Variants in IDS observed in about 807,000 individuals in gnomAD.
The protein encoded by IDS is iduronate 2-sulfatase.
A neutral mutation model predicts 33.5 loss-of-function variants in IDS; 1 was observed. That is an observed-to-expected ratio of 0.03 (90% confidence interval 0.01 to 0.14). The LOEUF is 0.14. IDS is among the 10% of genes least tolerant of loss of function. The probability of loss-of-function intolerance (pLI) is 1.00; values close to 1 mark genes in which losing one functional copy is unlikely to be tolerated. For missense variants in IDS, 328 were observed against 448.0 expected, an observed-to-expected ratio of 0.73 and a Z score of 2.42; for synonymous variants, 191 against 184.4, an observed-to-expected ratio of 1.04 and a Z score of -0.29.
chrX:149,489,043 G>C (rs781966006), intron 7 of IDS, among the ~76,000 whole-genome samples: 1 of 111,794 alleles, frequency 8.9e-6, no homozygotes, highest in African/African-American at 3.3e-5. Context: ...AGGCGGTTCT[G>C]ATGGAGGATG....
chrX:149,487,388 T>C (rs1602731091), intron 7 of IDS: 2 of 768,096 alleles, frequency 2.6e-6, no homozygotes, highest in East Asian at 6.5e-5. Context: ...ATACCTAACG[T>C]AGGACTCTGT....
chrX:149,501,172 C>A, intron 3 of IDS, 135 bp from the exon 4 acceptor site: 1 of 484,913 alleles, frequency 2.1e-6, no homozygotes, highest in Non-Finnish European at 3.7e-6. Flanking sequence ...TACAAAAGGT[C>A]CCCTCTAAAG....
At chrX:149,491,738 C>A in intron 6 of IDS, 1 of 827,396 alleles carries the variant, frequency 1.2e-6, no homozygotes, top group Non-Finnish European at 1.6e-6. Flanking sequence ...CTATGCTAGC[C>A]CCTGGACGTA....
In IDS at chrX:149,505,031, G is replaced by T; in HGVS notation, c.103+4C>A. The stretch of plus-strand genomic sequence containing the variant: ...AGAGATGGCAGGGAGGGCGTGGGCG[G>T]CACCTGTGGTCGAGTTGGCCTGCGT... On this transcript the variant is annotated splice_donor_region_variant and intron_variant, in intron 1 of 8. Coordinates refer to ENST00000340855, the MANE Select transcript of IDS (RefSeq NM_000202.8). 1 of 1,193,128 alleles carries T rather than the reference G, an allele frequency of 8.4e-7. No homozygotes were observed. Among genetic ancestry groups the T allele is most frequent in the Non-Finnish European group, 1.1e-6 (1 of 879,099 alleles).
At chrX:149,484,637 T>C (rs1024958503) in intron 8 of IDS, among the ~76,000 whole-genome samples, 1 of 112,721 alleles carries the variant, frequency 8.9e-6, no homozygotes, top group East Asian at 2.8e-4. Flanking sequence ...GCTTTTGTTG[T>C]TGTTTTTTAT....
At chrX:149,488,933 G>A (rs1179440281) in intron 7 of IDS, among the ~76,000 whole-genome samples, 1 of 110,914 alleles carries the variant, frequency 9.0e-6, no homozygotes, top group Non-Finnish European at 1.9e-5. Context: ...GGGAGAGGTG[G>A]CCAGACCACC....
chrX:149,484,616 A>G (rs181382043), intron 8 of IDS, among the ~76,000 whole-genome samples: 1,140 of 112,898 alleles, frequency 0.01, 11 homozygotes, highest in African/African-American at 0.029. Flanking sequence ...CACCACGCCC[A>G]GCCTTTCACA....
Position 149,482,538 on chromosome X carries a change from C to A in IDS, c.*208G>T. On this transcript the variant is annotated 3_prime_UTR_variant, in exon 9 of 9. Coordinates refer to ENST00000340855, the MANE Select transcript of IDS (RefSeq NM_000202.8). The stretch of plus-strand genomic sequence containing the variant: ...AGGGAAATTAAAAAAAAAACTGGTC[C>A]AATTACCAATTATAAATTTTAATAA... 1 of 503,156 alleles carries A rather than the reference C, an allele frequency of 2.0e-6. No homozygotes were observed. The highest frequency in any genetic ancestry group is 3.9e-5 in the East Asian group (1 of 25,820). 41.5% of individuals were successfully genotyped at this position (503,156 alleles called of 1,213,427 possible).
Position 149,486,940 on chromosome X carries a change from G to T in IDS, c.1165C>A (p.Gln389Lys), listed in dbSNP as rs1557338104. 3.3e-6 allele frequency: 4 copies of T among 1,211,639 alleles called. No homozygotes were observed. The highest frequency in any genetic ancestry group is 4.5e-6 in the Non-Finnish European group (4 of 895,261). Residue 389 changes from glutamine to lysine, a missense_variant, in exon 8 of 9, where the codon CAG (glutamine) becomes AAG (lysine). Coordinates refer to ENST00000340855, the MANE Select transcript of IDS (RefSeq NM_000202.8). ...PYLDPFDSASQLMEPGRQSMD... is the reference protein window; with the variant it reads ...PYLDPFDSASKLMEPGRQSMD... The stretch of plus-strand genomic sequence containing the variant: ...TATTTTATACCTGGCTCCATCAACT[G>T]TGAGGCGGAATCAAAAGGGTCGAGG...
At chrX:149,491,533 C>T in intron 6 of IDS, 13 of 961,701 alleles carry the variant, frequency 1.4e-5, no homozygotes, top group Non-Finnish European at 1.7e-5. Flanking sequence ...AATCATGAGA[C>T]TCACCCGTTC....
Position 149,496,443 on chromosome X carries a change from G to C in IDS, c.782C>G (p.Pro261Arg). The C allele has an allele frequency of 8.3e-7, 1 of 1,209,184 alleles. No individual in the cohort carries two copies. The highest frequency in any genetic ancestry group is 1.1e-6 in the Non-Finnish European group (1 of 893,050). ...PDPEVPDGLP[P>R]VAYNPWMDIR... ...GTCCATCCAGGGGTTGTAGGCCACA[G>C]GGGGTAGGCCATCAGGGACCTCGGG... The change falls in exon 6 of 9, where the codon CCT (proline) becomes CGT (arginine). Residue 261 changes from proline to arginine, a missense_variant. Transcript: ENST00000340855.
chrX:149,489,468 G>T (rs2089370410), intron 7 of IDS, among the ~76,000 whole-genome samples: 1 of 112,501 alleles, frequency 8.9e-6, no homozygotes, highest in African/African-American at 3.2e-5. Flanking sequence ...TGGGAGAAAA[G>T]GGCAGGATGT....
At chrX:149,502,516 G>C (rs1300983061) in intron 3 of IDS, 1 of 134,281 alleles carries the variant, frequency 7.4e-6, no homozygotes, top group African/African-American at 3.2e-5. Context: ...ACCTGGGCTG[G>C]CCAGCTGAGC....
rs2124645927 is a variant in IDS at position 149,480,243 on chromosome X, T to C, written c.*2503A>G. 1 of 293,464 alleles carries C rather than the reference T, an allele frequency of 3.4e-6. No individual in the cohort carries two copies. The highest frequency in any genetic ancestry group is 2.8e-5 in the African/African-American group (1 of 35,554). The allele number at this position is 293,464 out of a possible 1,213,427, so 24.2% of individuals were successfully genotyped here. ...GATTTTAGGAAGACACGTGGATTAT[T>C]TTAGGGACAGGGGAGGAAAGAGGAG... On this transcript the variant is annotated 3_prime_UTR_variant, in exon 9 of 9. Transcript: ENST00000340855.
At chrX:149,492,874 G>T (rs1557338881) in intron 6 of IDS, among the ~76,000 whole-genome samples, 1 of 110,154 alleles carries the variant, frequency 9.1e-6, no homozygotes, top group African/African-American at 3.3e-5. Context: ...AAGCAGACAT[G>T]GGGGCAGGGA....
At chrX:149,484,832 T>G (rs1158415051) in intron 8 of IDS, among the ~76,000 whole-genome samples, 2 of 112,390 alleles carry the variant, frequency 1.8e-5, no homozygotes, top group Admixed American at 1.9e-4. Flanking sequence ...AGACACTTAA[T>G]TTTTAAGTAA....
In IDS at chrX:149,486,825, G is replaced by T. The variant is rs994014338; in HGVS notation, c.1180+100C>A. Reference sequence around the variant, plus strand: ...TTCCAACACAAGGCAGGAAGGGGGGGTCTGTGTAACCCCCAAAGCCTATGA... The same window carrying T: ...TTCCAACACAAGGCAGGAAGGGGGGTTCTGTGTAACCCCCAAAGCCTATGA... On this transcript the variant is annotated intron_variant, in intron 8 of 8. Coordinates refer to ENST00000340855, the MANE Select transcript of IDS (RefSeq NM_000202.8). The T allele has an allele frequency of 5.5e-6, 5 of 913,005 alleles. No individual in the cohort carries two copies. In the Admixed American group the frequency reaches 7.1e-5, roughly 13 times the overall value. The allele number at this position is 913,005 out of a possible 1,213,427, so 75.2% of individuals were successfully genotyped here.
intron 7 of IDS, among the ~76,000 whole-genome samples, chrX:149,487,618 C>T (rs1221835001): frequency 8.9e-6 from 1 of 112,550 alleles, no homozygotes; most frequent in Non-Finnish European, 1.9e-5. Context: ...ACAAGGACAT[C>T]TTCGTTGATT....
chrX:149,504,142 G>A lies in IDS; in HGVS notation c.240+15C>T, dbSNP rs782480161. On this transcript the variant is annotated intron_variant, in intron 2 of 8. Coordinates refer to ENST00000340855, the MANE Select transcript of IDS (RefSeq NM_000202.8). ...GAAGCAGCACACACCCACAGCTAGA[G>A]GTTCCCAGACATACCTGCGCAAAGG... The A allele has an allele frequency of 5.8e-6, 7 of 1,202,093 alleles. No homozygotes were observed. The South Asian group carries it at 1.3e-4, about 21-fold the overall frequency.
Sources: allele counts gnomAD v4.1 joint callset (sites outside exome capture counted in the v4.1 genomes callset), GRCh38; gene constraint gnomAD v4.1.1; transcripts MANE v1.5; gene names NCBI Gene and HGNC (gene_info 2026-07-23, HGNC 2026-07-21).